Variants in UMODL1 observed in about 807,000 individuals in gnomAD.
The protein encoded by UMODL1 is uromodulin like 1, also known as uromodulin-like 1.
UMODL1 carries 128 observed loss-of-function variants against 136.3 expected under a neutral mutation model. That is an observed-to-expected ratio of 0.94 (90% CI 0.81 to 1.09). The LOEUF (loss-of-function observed/expected upper bound fraction) is 1.09. UMODL1 is among the 50% of genes least tolerant of loss of function. UMODL1 has a pLI of 0.00. For synonymous variants in UMODL1, 721 were observed against 720.0 expected, an observed-to-expected ratio of 1.00 and a Z score of -0.02; for missense variants, 1,766 against 1,725.6, an observed-to-expected ratio of 1.02 and a Z score of -0.41.
upstream of UMODL1, among the ~76,000 whole-genome samples, chr21:42,070,514 A>G (rs2066220279): frequency 6.6e-6 from 1 of 152,216 alleles, no homozygotes; most frequent in Non-Finnish European, 1.5e-5. Flanking sequence ...AGTTTTCTCC[A>G]TGCTTATATA....
intron 4 of UMODL1, among the ~76,000 whole-genome samples, chr21:42,087,985 A>G (rs2066445412): frequency 6.6e-6 from 1 of 152,198 alleles, no homozygotes; most frequent in African/African-American, 2.4e-5. Flanking sequence ...TTCACTAATT[A>G]TATCTGCAGT....
At chr21:42,082,498 G>T (rs949955657) in intron 2 of UMODL1, among the ~76,000 whole-genome samples, 40 of 152,224 alleles carry the variant, frequency 2.6e-4, no homozygotes, top group Admixed American at 2.6e-3. Flanking sequence ...GGCATGAACT[G>T]GACAGCTCTG....
intron 14 of UMODL1, among the ~76,000 whole-genome samples, chr21:42,116,707 T>C (rs940500154): frequency 9.9e-5 from 15 of 152,256 alleles, no homozygotes; most frequent in African/African-American, 3.6e-4. Flanking sequence ...TTTAGACTAT[T>C]TTGCAAAATT....
At position 42,129,709 on chromosome 21, in the gene UMODL1, A is replaced by C. The variant is rs1163265278; in HGVS notation, c.3691-4A>C. 9.5e-6 allele frequency: 15 copies of C among 1,571,254 alleles called. No homozygotes were observed. The highest frequency in any genetic ancestry group is 1.7e-4 in the Middle Eastern group (1 of 5,892). ...CGTTTCTCTTCTTGGAAAAAAAAAA[A>C]CAGAATTGCAATAACTTTCGGTTGC... On this transcript the variant is annotated splice_region_variant and splice_polypyrimidine_tract_variant and intron_variant, in intron 20 of 22. Transcript: ENST00000408910.
At chr21:42,068,516 G>A (rs117529073), upstream of UMODL1, among the ~76,000 whole-genome samples, 2,144 of 152,194 alleles carry the variant, frequency 0.014, 26 homozygotes, top group Middle Eastern at 0.034. The surrounding 1 kb of genome is among the most constrained non-coding windows in gnomAD (Gnocchi z 5.5). Flanking sequence ...TCCCTAGCTC[G>A]TCCTCACATT....
intron 1 of UMODL1, among the ~76,000 whole-genome samples, chr21:42,065,020 G>A (rs1363651042): frequency 6.6e-6 from 1 of 152,232 alleles, no homozygotes; most frequent in Non-Finnish European, 1.5e-5. Context: ...CTGGGGGAAT[G>A]TACACCTTCT....
At chr21:42,095,454 TCTC>T (rs1294142908) in intron 6 of UMODL1, among the ~76,000 whole-genome samples, 3 of 147,714 alleles carry the variant, frequency 2.0e-5, no homozygotes. Flanking sequence ...CATACCGCCT[TCTC>T]CTTTGTGTGT....
intron 2 of UMODL1, among the ~76,000 whole-genome samples, chr21:42,081,563 A>G (rs1569143344): frequency 6.6e-6 from 1 of 152,150 alleles, no homozygotes; most frequent in Non-Finnish European, 1.5e-5. Flanking sequence ...TCACTTAAAA[A>G]CACGCCTCTG....
At chr21:42,098,778 CA>C in intron 6 of UMODL1, 147 bp from the exon 7 acceptor site, 1 of 1,295,756 alleles carries the variant, frequency 7.7e-7, no homozygotes, top group Non-Finnish European at 1.1e-6. Flanking sequence ...AAACAAAAAA[CA>C]AAAAATAGCC....
chr21:42,127,088 C>T lies in UMODL1; in HGVS notation c.3376C>T (p.Pro1126Ser). The T allele has an allele frequency of 2.5e-6, 4 of 1,614,192 alleles. No homozygotes were observed. The highest frequency in any genetic ancestry group is 3.4e-6 in the Non-Finnish European group (4 of 1,180,034). ...GTTGTTTATCGGAGACTCTCCCATACCTCAGAATTATAGCGTGTCTGCCAG... is the reference window on the plus strand; with the variant it reads ...GTTGTTTATCGGAGACTCTCCCATATCTCAGAATTATAGCGTGTCTGCCAG... ...MQLFIGDSPI[P>S]QNYSVSASDD... is the part of the protein sequence containing the mutation. Residue 1126 changes from proline to serine, a missense_variant, in exon 19 of 23, where the codon CCT (proline) becomes TCT (serine). Pro to Ser is a moderately conservative substitution (Grantham distance 74). Transcript: ENST00000408910.
rs1193070158 is a variant in UMODL1 at position 42,104,041 on chromosome 21, G to A, written c.1473G>A (p.Leu491=). 1.2e-6 allele frequency: 2 copies of A among 1,613,916 alleles called. No individual in the cohort carries two copies. The highest frequency in any genetic ancestry group is 1.7e-6 in the Non-Finnish European group (2 of 1,180,022). ...STLAPILQPL[L]ASTVFQIDRQ... is the part of the protein sequence containing the mutation. ...TGGCCCCCATACTCCAGCCCCTGTT[G>A]GCAAGCACAGTGTTCCAGATTGACC... Residue 491 remains leucine (L), a synonymous_variant, in exon 9 of 23, where the codon TTG becomes TTA. Transcript: ENST00000408910.
At chr21:42,108,311 T>C (rs1364869069) in intron 9 of UMODL1, 1 of 524,700 alleles carries the variant, frequency 1.9e-6, no homozygotes, top group Non-Finnish European at 3.9e-6. Context: ...GGCTGGAGGT[T>C]GAGTAGCACC....
intron 4 of UMODL1, among the ~76,000 whole-genome samples, chr21:42,087,264 A>G (rs953018928): frequency 1.1e-4 from 16 of 152,158 alleles, no homozygotes; most frequent in Non-Finnish European, 2.2e-4. Context: ...GCTGCTGAAT[A>G]AGGGGTTCCG....
intron 22 of UMODL1, among the ~76,000 whole-genome samples, chr21:42,140,983 C>T (rs78138810): frequency 0.078 from 11,803 of 152,276 alleles, 554 homozygotes; most frequent in East Asian, 0.19. Context: ...GGGCAGGAGA[C>T]ATTGTCAATA....
At position 42,137,646 on chromosome 21, in the gene UMODL1, G is replaced by A. The variant is rs181671409; in HGVS notation, c.*21+5G>A. On this transcript the variant is annotated splice_donor_5th_base_variant and intron_variant, in intron 22 of 22. Coordinates refer to ENST00000408910, the MANE Select transcript of UMODL1 (RefSeq NM_001004416.3). ...GAGGCGCAGGCTGACAGGAAGGTGG[G>A]TGCGGAGTGGGGTGGGAGGTGCAGG... is the stretch of plus-strand genomic sequence containing the variant. 1.7e-3 allele frequency: 1,152 copies of A among 669,408 alleles called. 11 individuals carry two copies. In the African/African-American group the frequency reaches 0.02, roughly 12 times the overall value. The allele number at this position is 669,408 out of a possible 1,614,324, so 41.5% of individuals were successfully genotyped here.
chr21:42,064,851 C>T lies in UMODL1; in HGVS notation c.-141+1637C>T, dbSNP rs542368056. Among the ~76,000 whole-genome samples, 5 of 152,312 alleles carry T rather than the reference C, an allele frequency of 3.3e-5. No individual in the cohort carries two copies. The South Asian group carries it at 8.3e-4, about 25-fold the overall frequency. ...GATTACAGGCGTGCACCAACATGCC[C>T]GGCCCACAAATTTCTTTCTTTTCTT... is the stretch of plus-strand genomic sequence containing the variant. On this transcript the variant is annotated intron_variant, in intron 1 of 22. Transcript: ENST00000400424.
rs56804381 is a variant in UMODL1, at chr21:42,129,698, GA to G, written c.3691-4del. 131,010 of 1,195,914 alleles carry G rather than the reference GA, an allele frequency of 0.11. 4,312 individuals are homozygous for G. Among genetic ancestry groups the G allele is most frequent in the East Asian group, 0.26 (9,401 of 36,130 alleles). The allele number at this position is 1,195,914 out of a possible 1,614,324, so 74.1% of individuals were successfully genotyped here. On this transcript the variant is annotated splice_polypyrimidine_tract_variant and intron_variant, in intron 20 of 22. Coordinates refer to ENST00000408910, the MANE Select transcript of UMODL1 (RefSeq NM_001004416.3). ...AATTAATTTGACGTTTCTCTTCTTG[GA>G]AAAAAAAAAACAGAATTGCAATAAC...
intron 18 of UMODL1, 32 bp downstream of exon 18, chr21:42,126,522 C>T: frequency 6.2e-7 from 1 of 1,613,900 alleles, no homozygotes; most frequent in African/African-American, 1.3e-5. Context: ...TGCCCCACAG[C>T]CACGTGCCTC....
intron 1 of UMODL1, among the ~76,000 whole-genome samples, chr21:42,072,366 T>C (rs891914975): frequency 7.2e-5 from 11 of 152,266 alleles, no homozygotes; most frequent in African/African-American, 2.4e-4. Context: ...AAATCAACTA[T>C]GTTTTTGTAC....
Sources: gnomAD v4.1 joint callset for allele counts (sites outside exome capture counted in the v4.1 genomes callset) on GRCh38, gnomAD v4.1.1 for gene constraint, Gnocchi (gnomAD v3.1) non-coding constraint, MANE v1.5 for transcripts, NCBI Gene and HGNC (gene_info 2026-07-23, HGNC 2026-07-21) for gene names.